The following NEGR1 variants were observed in gnomAD, a reference collection of about 807,000 sequenced individuals.
NEGR1 encodes the protein IgLON family member 4.
NEGR1 carries 10 observed loss-of-function variants against 40.9 expected under a neutral mutation model. The observed-to-expected ratio is 0.24, with a 90% CI of 0.15 to 0.42. NEGR1 has a LOEUF of 0.42. NEGR1 is among the 10% of genes least tolerant of loss of function. The pLI, the probability that NEGR1 is intolerant of heterozygous loss-of-function variation, is 1.00. For synonymous variants in NEGR1, 185 were observed against 166.8 expected, an observed-to-expected ratio of 1.11 and a Z score of -0.84; for missense variants, 352 against 438.9, an observed-to-expected ratio of 0.80 and a Z score of 1.77.
At chr1:71,850,150 T>G (rs530200619) in intron 2 of NEGR1, among the ~76,000 whole-genome samples, 14 of 150,994 alleles carry the variant, frequency 9.3e-5, no homozygotes, top group African/African-American at 3.2e-4. Context: ...TGTTTGTTTG[T>G]TTGTTTGTTT....
chr1:71,931,596 A>G (rs903420528), intron 2 of NEGR1, among the ~76,000 whole-genome samples: 4 of 152,122 alleles, frequency 2.6e-5, no homozygotes, highest in Non-Finnish European at 5.9e-5. Flanking sequence ...CACTTTTATA[A>G]CAAACCCACT....
chr1:72,176,417 T>G (rs1652166583), intron 1 of NEGR1, among the ~76,000 whole-genome samples: 1 of 152,052 alleles, frequency 6.6e-6, no homozygotes, highest in Non-Finnish European at 1.5e-5. Context: ...ATATTCAAAC[T>G]CTAATGGAGA....
chr1:72,249,453 A>G (rs1423181519), intron 1 of NEGR1, among the ~76,000 whole-genome samples: 1 of 152,218 alleles, frequency 6.6e-6, no homozygotes, highest in African/African-American at 2.4e-5. Flanking sequence ...AATTCCACAA[A>G]TATTTCCTGG....
chr1:71,937,884 C>T (rs1369005152), intron 1 of NEGR1, among the ~76,000 whole-genome samples: 14 of 152,004 alleles, frequency 9.2e-5, no homozygotes, highest in Admixed American at 9.2e-4. Flanking sequence ...AGCAGCTTTA[C>T]CTTTATTTGG....
At chr1:72,083,104 A>C (rs908920633) in intron 1 of NEGR1, among the ~76,000 whole-genome samples, 1 of 152,170 alleles carries the variant, frequency 6.6e-6, no homozygotes, top group East Asian at 1.9e-4. Flanking sequence ...CAATATTTCT[A>C]TATTATAGAA....
intron 5 of NEGR1, among the ~76,000 whole-genome samples, chr1:71,600,914 G>A (rs75417114): frequency 0.028 from 4,275 of 152,268 alleles, 148 homozygotes; most frequent in East Asian, 0.074. Flanking sequence ...CTTGATTCTA[G>A]TATGTTCCAA....
intron 4 of NEGR1, among the ~76,000 whole-genome samples, chr1:71,679,455 A>C (rs969343701): frequency 6.6e-6 from 1 of 152,148 alleles, no homozygotes; most frequent in African/African-American, 2.4e-5. Flanking sequence ...TTTCTCTGAT[A>C]TAATTTTACA....
At chr1:71,948,502 A>T (rs555345532) in intron 1 of NEGR1, among the ~76,000 whole-genome samples, 5,421 of 151,434 alleles carry the variant, frequency 0.036, 316 homozygotes, top group African/African-American at 0.13. Context: ...TGTGTGAGAG[A>T]GAGAGAGAGA....
chr1:72,100,950 G>A (rs1158652916), intron 1 of NEGR1: 1 of 152,206 alleles, frequency 6.6e-6, no homozygotes, highest in Non-Finnish European at 1.5e-5. Flanking sequence ...ATGTGCAAGT[G>A]AGCTCCAGTG....
intron 1 of NEGR1, among the ~76,000 whole-genome samples, chr1:72,070,311 CA>C (rs1183655902): frequency 1.3e-5 from 2 of 151,814 alleles, no homozygotes; most frequent in Non-Finnish European, 2.9e-5. Flanking sequence ...CTTGCACTTG[CA>C]AAATTGAAAT....
chr1:72,244,126 G>GTAGA, intron 1 of NEGR1, among the ~76,000 whole-genome samples: 1 of 151,552 alleles, frequency 6.6e-6, no homozygotes, highest in South Asian at 2.1e-4. Context: ...ACGATATATG[G>GTAGA]TAGAGAACAT....
At chr1:71,452,892 C>G (rs528590710) in intron 6 of NEGR1, among the ~76,000 whole-genome samples, 2 of 151,624 alleles carry the variant, frequency 1.3e-5, no homozygotes, top group South Asian at 2.1e-4. Context: ...TATAAAAATA[C>G]ATATAACAGA....
At chr1:71,705,794 A>AAAAGAAAAGAGAG (rs1653871530) in intron 3 of NEGR1, among the ~76,000 whole-genome samples, 1 of 151,212 alleles carries the variant, frequency 6.6e-6, no homozygotes, top group Non-Finnish European at 1.5e-5. Flanking sequence ...AGAAAGGAAA[A>AAAAGAAAAGAGAG]GAAAAGAAAA....
rs1339275164 is a variant in NEGR1, at chr1:71,866,401, A to C, written c.409+68678T>G. Among the ~76,000 whole-genome samples the C allele has an allele frequency of 6.6e-5, 10 of 152,192 alleles. No homozygotes were observed. The East Asian group carries it at 1.7e-3, about 26-fold the overall frequency. On this transcript the variant is annotated intron_variant, in intron 2 of 6. Transcript: ENST00000357731. Reference sequence around the variant, plus strand: ...TAATGTCAGTAAGAATAGGCTAATCAAATAATAATGAAGACCAGACACTTT... The same window carrying C: ...TAATGTCAGTAAGAATAGGCTAATCCAATAATAATGAAGACCAGACACTTT...
intron 2 of NEGR1, among the ~76,000 whole-genome samples, chr1:71,827,931 T>C (rs2101786327): frequency 6.6e-6 from 1 of 151,882 alleles, no homozygotes; most frequent in African/African-American, 2.4e-5. Flanking sequence ...AAACGTCAGG[T>C]GAACAGTTAA....
chr1:71,931,468 T>G (rs932324001), intron 2 of NEGR1, among the ~76,000 whole-genome samples: 10 of 142,988 alleles, frequency 7.0e-5, no homozygotes, highest in African/African-American at 2.4e-4. Flanking sequence ...GGCTCATATT[T>G]TTGGGGGCTG....
intron 2 of NEGR1, among the ~76,000 whole-genome samples, chr1:71,783,497 C>A (rs1656792892): frequency 6.6e-6 from 1 of 152,194 alleles, no homozygotes; most frequent in Middle Eastern, 3.4e-3. Context: ...CAGTTTATGG[C>A]ATTTCAGAGA....
intron 1 of NEGR1, among the ~76,000 whole-genome samples, chr1:72,057,157 A>T (rs949185403): frequency 1.3e-5 from 2 of 151,590 alleles, no homozygotes; most frequent in African/African-American, 4.8e-5. Flanking sequence ...GTTATTATTG[A>T]TTGAATGGAA....
intron 1 of NEGR1, among the ~76,000 whole-genome samples, chr1:72,044,932 C>T (rs1000683839): frequency 1.3e-5 from 2 of 151,812 alleles, no homozygotes; most frequent in African/African-American, 4.8e-5. Flanking sequence ...CGAGGTCATG[C>T]TTGTGGTACT....
Sources: allele counts gnomAD v4.1 joint callset (sites outside exome capture counted in the v4.1 genomes callset), GRCh38; gene constraint gnomAD v4.1.1; transcripts MANE v1.5; gene names NCBI Gene and HGNC (gene_info 2026-07-23, HGNC 2026-07-21).